LNX2: variants seen among roughly 807,000 people sequenced by gnomAD.
The protein encoded by LNX2 is ligand of numb-protein X 2, also known as ligand of Numb protein X 2.
Under a neutral mutation model 66.2 loss-of-function variants are expected in LNX2, and 35 were observed. The observed-to-expected ratio is 0.53, with a 90% CI of 0.40 to 0.70. The LOEUF (loss-of-function observed/expected upper bound fraction) is 0.70. LNX2 is among the 30% of genes least tolerant of loss of function. The probability of loss-of-function intolerance (pLI) is 0.00; values close to 1 mark genes in which losing one functional copy is unlikely to be tolerated. For synonymous variants in LNX2, 337 were observed against 315.6 expected, an observed-to-expected ratio of 1.07 and a Z score of -0.72; for missense variants, 791 against 850.8, an observed-to-expected ratio of 0.93 and a Z score of 0.87.
At chr13:27,593,563 C>CTTTTTTTTTTTTTTTTTTTTTTTTTTTT (rs35280780) in intron 1 of LNX2, among the ~76,000 whole-genome samples, 1 of 115,550 alleles carries the variant, frequency 8.7e-6, no homozygotes, top group Non-Finnish European at 1.8e-5. Flanking sequence ...CTGGCTGAAA[C>CTTTTTTTTTTTTTTTTTTTTTTTTTTTT]TTTTTTTTTT....
chr13:27,584,861 T>C (rs750117845), intron 1 of LNX2, among the ~76,000 whole-genome samples: 2 of 152,108 alleles, frequency 1.3e-5, no homozygotes, highest in African/African-American at 2.4e-5. Context: ...CTCACGCCTG[T>C]AATCTCAGCA....
At chr13:27,601,862 C>T (rs1395613076) in intron 1 of LNX2, among the ~76,000 whole-genome samples, 2 of 152,042 alleles carry the variant, frequency 1.3e-5, no homozygotes, top group African/African-American at 4.8e-5. Flanking sequence ...ACCTTCCCAA[C>T]AATTTACTAT....
In LNX2 at chr13:27,559,865, A is replaced by C; in HGVS notation, c.1345T>G (p.Tyr449Asp). The change falls in exon 6 of 10, where the codon TAT becomes GAT. Residue 449 changes from tyrosine to aspartate, a missense_variant. By Grantham distance (160) the Tyr-to-Asp change is radical. Transcript: ENST00000316334. ...SSQHHTPPPY[Y>D]SRPSSHKDLT... ...ACCTTATGTGAGCTTGGTCTGCTAT[A>C]ATACGGTGGTGGTGTGTGGTGCTGG... The C allele has an allele frequency of 6.2e-7, 1 of 1,604,916 alleles. No homozygotes were observed. Among genetic ancestry groups the C allele is most frequent in the Non-Finnish European group, 8.5e-7 (1 of 1,174,258 alleles).
At chr13:27,553,149 T>A (rs148567618) in intron 8 of LNX2, 59 bp downstream of exon 8, 211 of 1,403,888 alleles carry the variant, frequency 1.5e-4, no homozygotes, top group Middle Eastern at 7.1e-4. Flanking sequence ...TGCTACACAC[T>A]GATAAGGGCT....
intron 1 of LNX2, among the ~76,000 whole-genome samples, chr13:27,612,645 CT>C: frequency 6.6e-6 from 1 of 152,330 alleles, no homozygotes; most frequent in East Asian, 1.9e-4. Flanking sequence ...GTTGCCCAGG[CT>C]GGAGTGCAGT....
rs369570945 is a variant in LNX2, at chr13:27,564,725, T to G, written c.856-1944A>C. On this transcript the variant is annotated intron_variant, in intron 4 of 9. Transcript: ENST00000316334. ...TGCAAAAATGAAAATGCAAGCTAGC[T>G]CTCTGGTCTGCAAATCAACCATCTT... 2.6e-5 allele frequency among the ~76,000 whole-genome samples: 4 copies of G among 152,184 alleles called. No individual in the cohort carries two copies. The East Asian group carries it at 7.7e-4, about 29-fold the overall frequency.
intron 1 of LNX2, among the ~76,000 whole-genome samples, chr13:27,586,397 A>G (rs1593254753): frequency 1.3e-5 from 2 of 152,226 alleles, no homozygotes; most frequent in East Asian, 1.9e-4. Context: ...CTAAGCCCCA[A>G]TCCCACCCCT....
chr13:27,572,023 T>C (rs997581279), intron 2 of LNX2, among the ~76,000 whole-genome samples: 12 of 152,184 alleles, frequency 7.9e-5, no homozygotes, highest in Non-Finnish European at 1.3e-4. Context: ...CCAAACAAAC[T>C]CAGATCTAAT....
At chr13:27,571,011 T>A (rs1317277469) in intron 2 of LNX2, among the ~76,000 whole-genome samples, 1 of 152,160 alleles carries the variant, frequency 6.6e-6, no homozygotes, top group African/African-American at 2.4e-5. Flanking sequence ...ATACTTACAG[T>A]CCCAGTGAGA....
chr13:27,575,610 G>T (rs1955333361), intron 2 of LNX2, among the ~76,000 whole-genome samples: 1 of 152,062 alleles, frequency 6.6e-6, no homozygotes. Context: ...CAGACCTTCT[G>T]ACTGAGAAGG....
At chr13:27,604,806 A>C (rs1955696374) in intron 1 of LNX2, among the ~76,000 whole-genome samples, 1 of 151,632 alleles carries the variant, frequency 6.6e-6, no homozygotes, top group South Asian at 2.1e-4. Context: ...CTTGCTCCTA[A>C]ATTGCCATTT....
chr13:27,583,169 AGTGTGTGTGT>A (rs763165039), intron 1 of LNX2, among the ~76,000 whole-genome samples: 837 of 44,054 alleles, frequency 0.019, 64 homozygotes, highest in African/African-American at 0.02. Flanking sequence ...TCAGAGCAGC[AGTGTGTGTGT>A]GTGTGTGTGT....
intron 1 of LNX2, among the ~76,000 whole-genome samples, chr13:27,615,739 C>T (rs1224631610): frequency 2.6e-5 from 4 of 152,184 alleles, no homozygotes; most frequent in African/African-American, 9.7e-5. Context: ...TTCACAACAT[C>T]ACAGAAGCTT....
At chr13:27,583,234 GTGTGTGTGTGTGT>G (rs1955434523) in intron 1 of LNX2, among the ~76,000 whole-genome samples, 1 of 23,020 alleles carries the variant, frequency 4.3e-5, no homozygotes, top group Non-Finnish European at 8.6e-5. Context: ...GTGTGTGTGT[GTGTGTGTGTGTGT>G]GTGTGTGTGC....
intron 1 of LNX2, among the ~76,000 whole-genome samples, chr13:27,591,974 G>A (rs1955550014): frequency 6.6e-6 from 1 of 152,196 alleles, no homozygotes; most frequent in Non-Finnish European, 1.5e-5. Flanking sequence ...GAAACAATAA[G>A]TACAATGGCC....
At chr13:27,570,704 C>T (rs1222225341) in intron 2 of LNX2, among the ~76,000 whole-genome samples, 2 of 151,986 alleles carry the variant, frequency 1.3e-5, no homozygotes, top group African/African-American at 4.8e-5. Context: ...AAAGTTGAGG[C>T]TAAAACTAGA....
intron 1 of LNX2, among the ~76,000 whole-genome samples, chr13:27,604,614 T>C (rs113069237): frequency 2.3e-3 from 348 of 152,266 alleles, no homozygotes; most frequent in African/African-American, 7.9e-3. Flanking sequence ...CTTACTCTTA[T>C]CTGTTTTTCC....
intron 8 of LNX2, among the ~76,000 whole-genome samples, chr13:27,552,653 C>T (rs761224823): frequency 2.6e-5 from 4 of 152,118 alleles, no homozygotes; most frequent in East Asian, 1.9e-4. Context: ...TCTGTGACCC[C>T]GACACTGACC....
intron 2 of LNX2, among the ~76,000 whole-genome samples, chr13:27,574,072 A>G (rs1955316879): frequency 6.6e-6 from 1 of 152,228 alleles, no homozygotes; most frequent in Admixed American, 6.5e-5. Context: ...AAATATGAGA[A>G]TGATGTCTTA....
Sources: allele counts gnomAD v4.1 joint callset (sites outside exome capture counted in the v4.1 genomes callset), GRCh38; gene constraint gnomAD v4.1.1; transcripts MANE v1.5; gene names NCBI Gene and HGNC (gene_info 2026-07-23, HGNC 2026-07-21).